The following XIRP2 variants were observed in gnomAD, a reference collection of about 807,000 sequenced individuals.
XIRP2 encodes the protein xin actin-binding repeat-containing protein 2.
Under a neutral mutation model 277.0 loss-of-function variants are expected in XIRP2, and 236 were observed. The observed-to-expected ratio is 0.85, with a 90% CI of 0.77 to 0.95. The LOEUF is 0.95. Among genes scored for constraint, XIRP2 ranks in the 40% least tolerant of loss-of-function variants. XIRP2 has a pLI of 0.00. For missense variants in XIRP2, 4,640 were observed against 4,157.5 expected (o/e 1.12, Z -3.19); for synonymous variants, 1,490 against 1,416.5 (o/e 1.05, Z -1.17).
At chr2:167,000,905 G>A (rs78462154) in intron 2 of XIRP2, among the ~76,000 whole-genome samples, 7,265 of 152,138 alleles carry the variant, frequency 0.048, 280 homozygotes, top group South Asian at 0.14. Context: ...AGTCTGACCA[G>A]GTGCAGTGGT....
At chr2:167,201,273 A>AAGGAAGGAAAGAACGAAGGAAGGAAGG (rs1559018492) in intron 3 of XIRP2, among the ~76,000 whole-genome samples, 10 of 100,806 alleles carry the variant, frequency 9.9e-5, no homozygotes, top group African/African-American at 7.5e-4. Flanking sequence ...AGAGAGGGAG[A>AAGGAAGGAAAGAACGAAGGAAGGAAGG]AAGGAAAGAA....
intron 2 of XIRP2, among the ~76,000 whole-genome samples, chr2:166,935,674 G>A (rs910021874): frequency 1.3e-5 from 2 of 151,956 alleles, no homozygotes; most frequent in East Asian, 3.9e-4. Context: ...TTGGTTTTTT[G>A]TGCCTGTGAT....
chr2:167,151,602 A>C (rs1692017868), intron 3 of XIRP2, among the ~76,000 whole-genome samples: 1 of 152,152 alleles, frequency 6.6e-6, no homozygotes, highest in Non-Finnish European at 1.5e-5. Flanking sequence ...ATGAATTCCC[A>C]ACTTTTATTG....
intron 2 of XIRP2, among the ~76,000 whole-genome samples, chr2:166,967,890 C>T (rs1199226141): frequency 6.6e-6 from 1 of 151,830 alleles, no homozygotes; most frequent in Non-Finnish European, 1.5e-5. Flanking sequence ...CTACATTTAG[C>T]CAATCTCTTA....
chr2:167,231,619 T>A (rs1314419088), intron 5 of XIRP2, among the ~76,000 whole-genome samples: 3 of 151,692 alleles, frequency 2.0e-5, no homozygotes, highest in Non-Finnish European at 4.4e-5. Context: ...CCCAATGAGG[T>A]CGAACCAGCC....
intron 2 of XIRP2, among the ~76,000 whole-genome samples, chr2:167,131,571 T>C (rs1443014519): frequency 1.3e-5 from 2 of 152,146 alleles, no homozygotes; most frequent in African/African-American, 2.4e-5. Flanking sequence ...ACTCAAAAGA[T>C]ATATTTAAGT....
intron 2 of XIRP2, among the ~76,000 whole-genome samples, chr2:167,111,289 A>G (rs1012227385): frequency 2.6e-5 from 4 of 152,140 alleles, no homozygotes; most frequent in African/African-American, 9.7e-5. Context: ...TTGCCCCTTC[A>G]GTGTAATGTG....
chr2:167,217,067 G>T (rs1236283182), intron 4 of XIRP2, among the ~76,000 whole-genome samples: 1 of 145,672 alleles, frequency 6.9e-6, no homozygotes, highest in African/African-American at 2.6e-5. Context: ...CTCACTCATA[G>T]GTGGGAATTG....
rs11902995 is a variant in XIRP2 at position 166,953,056 on chromosome 2, A to C, written c.408+49166A>C. On this transcript the variant is annotated intron_variant, in intron 2 of 10. Transcript: ENST00000409195. ...AAAGGAACTAACTTTTTTGTTTCTT[A>C]AAATAGCCTACTGGTTCTGGGGCTA... Among the ~76,000 whole-genome samples the C allele has an allele frequency of 7.0e-3, 1,062 of 152,126 alleles. 16 individuals are homozygous for C. The highest frequency in any genetic ancestry group is 0.024 in the African/African-American group (1,003 of 41,540).
intron 9 of XIRP2, among the ~76,000 whole-genome samples, chr2:167,253,696 T>TA (rs1043061325): frequency 1.5e-4 from 23 of 151,662 alleles, no homozygotes; most frequent in African/African-American, 5.3e-4. Flanking sequence ...TATATATATA[T>TA]AAAAAATATA....
At chr2:166,969,214 C>A (rs1169144872) in intron 2 of XIRP2, among the ~76,000 whole-genome samples, 1 of 151,902 alleles carries the variant, frequency 6.6e-6, no homozygotes, top group Non-Finnish European at 1.5e-5. Flanking sequence ...AAGTCTATGC[C>A]AACTTCCAAA....
chr2:166,943,201 C>A (rs1396731519), intron 2 of XIRP2, among the ~76,000 whole-genome samples: 5 of 151,694 alleles, frequency 3.3e-5, no homozygotes, highest in Admixed American at 3.3e-4. Flanking sequence ...TATCATAGGC[C>A]TAATAATATA....
At chr2:167,168,562 GTTTTGCATCTCTAGCA>G (rs1357962187) in intron 3 of XIRP2, among the ~76,000 whole-genome samples, 1 of 152,136 alleles carries the variant, frequency 6.6e-6, no homozygotes, top group Non-Finnish European at 1.5e-5. Flanking sequence ...CTGTTATAGT[GTTTTGCATCTCTAGCA>G]TTCCTTTTTG....
At chr2:166,908,096 G>A (rs1384947300) in intron 2 of XIRP2, among the ~76,000 whole-genome samples, 4 of 152,108 alleles carry the variant, frequency 2.6e-5, no homozygotes, top group Non-Finnish European at 5.9e-5. Flanking sequence ...TGTCTTTATA[G>A]CAGCATGATT....
At chr2:167,253,938 G>A (rs568480750) in intron 9 of XIRP2, 94 bp from the exon 10 acceptor site, 202 of 1,380,304 alleles carry the variant, frequency 1.5e-4, no homozygotes, top group South Asian at 3.1e-4. Flanking sequence ...TACTTTAACC[G>A]CATGGCCAGT....
intron 3 of XIRP2, among the ~76,000 whole-genome samples, chr2:167,144,624 T>A (rs1691814432): frequency 6.6e-6 from 1 of 152,152 alleles, no homozygotes; most frequent in Non-Finnish European, 1.5e-5. Flanking sequence ...TCTAGTGACG[T>A]GATAAGACCA....
chr2:167,074,891 C>A (rs1326837789), intron 2 of XIRP2, among the ~76,000 whole-genome samples: 1 of 152,126 alleles, frequency 6.6e-6, no homozygotes, highest in Admixed American at 6.5e-5. Flanking sequence ...TCTCAAAGTG[C>A]TGAGATTACA....
At chr2:167,027,219 C>G (rs1688189450) in intron 2 of XIRP2, among the ~76,000 whole-genome samples, 1 of 152,000 alleles carries the variant, frequency 6.6e-6, no homozygotes, top group South Asian at 2.1e-4. Context: ...ATTCTTTTTT[C>G]TCTAAACTTC....
intron 2 of XIRP2, among the ~76,000 whole-genome samples, chr2:166,955,790 G>A (rs763476383): frequency 6.6e-6 from 1 of 151,040 alleles, no homozygotes; most frequent in Admixed American, 6.6e-5. Flanking sequence ...CATTTAATGT[G>A]AAGTGGGTTT....
Sources: allele counts gnomAD v4.1 joint callset (sites outside exome capture counted in the v4.1 genomes callset), GRCh38; gene constraint gnomAD v4.1.1; transcripts MANE v1.5; gene names NCBI Gene and HGNC (gene_info 2026-07-23, HGNC 2026-07-21).